Variants in AP3B1 observed in about 807,000 individuals in gnomAD.
The protein encoded by AP3B1 is AP-3 complex subunit beta-1.
A neutral mutation model predicts 132.5 loss-of-function variants in AP3B1; 61 were observed. That is an observed-to-expected ratio of 0.46 (90% CI 0.37 to 0.57). The LOEUF is 0.57. AP3B1 is among the 20% of genes least tolerant of loss of function. AP3B1 has a pLI of 0.00. For missense variants in AP3B1, 1,120 were observed against 1,289.4 expected (o/e 0.87, Z 2.01); for synonymous variants, 388 against 438.3 (o/e 0.89, Z 1.43).
chr5:78,279,404 G>A (rs1748943160), intron 1 of AP3B1, among the ~76,000 whole-genome samples: 1 of 152,086 alleles, frequency 6.6e-6, no homozygotes, highest in Admixed American at 6.6e-5. Flanking sequence ...TTTAATAGAT[G>A]AGTAAACCAA....
chr5:78,029,946 C>CA (rs1357120030), intron 24 of AP3B1, among the ~76,000 whole-genome samples: 2 of 152,104 alleles, frequency 1.3e-5, no homozygotes, highest in Non-Finnish European at 2.9e-5. Flanking sequence ...ATTCTCTTCT[C>CA]AGACATAACA....
chr5:78,031,725 C>T (rs999656311), intron 24 of AP3B1, among the ~76,000 whole-genome samples: 1 of 152,070 alleles, frequency 6.6e-6, no homozygotes, highest in African/African-American at 2.4e-5. Context: ...AGTGTTTTAC[C>T]CTGTGATTTT....
intron 22 of AP3B1, 186 bp downstream of exon 22, chr5:78,089,207 A>C (rs943826008): frequency 5.5e-6 from 3 of 542,260 alleles, no homozygotes; most frequent in Non-Finnish European, 9.9e-6. Flanking sequence ...ACAAGGGAAA[A>C]AAATTGAGAA....
chr5:78,048,825 C>A (rs1051153535), intron 22 of AP3B1, among the ~76,000 whole-genome samples: 1 of 152,122 alleles, frequency 6.6e-6, no homozygotes, highest in African/African-American at 2.4e-5. Context: ...GGGATTCTAT[C>A]ATCTATCTCC....
chr5:78,225,677 C>A, intron 5 of AP3B1, 69 bp from the exon 6 acceptor site: 2 of 988,608 alleles, frequency 2.0e-6, no homozygotes, highest in East Asian at 2.5e-5. Flanking sequence ...CTCACCAATT[C>A]AAGGATGTTG....
intron 2 of AP3B1, among the ~76,000 whole-genome samples, chr5:78,264,571 G>A (rs1471816610): frequency 1.3e-5 from 2 of 152,184 alleles, no homozygotes; most frequent in Admixed American, 6.5e-5. Context: ...TCATCCTGAT[G>A]CACACTAATA....
intron 17 of AP3B1, among the ~76,000 whole-genome samples, chr5:78,121,378 C>A (rs1360404272): frequency 1.3e-5 from 2 of 151,976 alleles, no homozygotes; most frequent in African/African-American, 2.4e-5. Flanking sequence ...ACAGAAAAAA[C>A]CCTTCAAAAA....
chr5:78,121,805 A>C (rs1310423891), intron 17 of AP3B1: 1 of 152,358 alleles, frequency 6.6e-6, no homozygotes, highest in East Asian at 1.9e-4. Flanking sequence ...AAACTATTCC[A>C]ATCAATAGAA....
rs201205048 is a variant in AP3B1, at chr5:78,204,810, TAA to T, written c.786+11243_786+11244del. Among the ~76,000 whole-genome samples the T allele has an allele frequency of 4.6e-3, 708 of 152,284 alleles. 3 individuals are homozygous for T. Among genetic ancestry groups the T allele is most frequent in the East Asian group, 0.011 (59 of 5,182 alleles). On this transcript the variant is annotated intron_variant, in intron 7 of 26. Transcript: ENST00000255194. ...CAGAGAAGGGAGGATAGAGTGAGGG[TAA>T]GTTTAAATGCCACAAATCTTTTCTC...
At chr5:78,152,482 G>T (rs1753715913) in intron 14 of AP3B1, among the ~76,000 whole-genome samples, 1 of 152,022 alleles carries the variant, frequency 6.6e-6, no homozygotes, top group African/African-American at 2.4e-5. Flanking sequence ...GCTTATAGTA[G>T]CCACTAATGA....
chr5:78,174,899 T>C (rs935239903), intron 11 of AP3B1, among the ~76,000 whole-genome samples: 5 of 152,258 alleles, frequency 3.3e-5, no homozygotes, highest in African/African-American at 1.2e-4. Context: ...CCCAGCCGCT[T>C]TGTTTACCTA....
intron 22 of AP3B1, among the ~76,000 whole-genome samples, chr5:78,053,729 A>G (rs1017796047): frequency 6.6e-6 from 1 of 151,288 alleles, no homozygotes; most frequent in Non-Finnish European, 1.5e-5. Flanking sequence ...TCAGGTAACC[A>G]TAACAATTTG....
At chr5:78,079,411 T>C (rs1749896394) in intron 22 of AP3B1, among the ~76,000 whole-genome samples, 1 of 152,188 alleles carries the variant, frequency 6.6e-6, no homozygotes, top group African/African-American at 2.4e-5. Flanking sequence ...GGACTAAGTT[T>C]GCACCATCTA....
chr5:78,172,746 AT>A (rs1264833237), intron 11 of AP3B1, among the ~76,000 whole-genome samples: 29 of 151,812 alleles, frequency 1.9e-4, no homozygotes, highest in African/African-American at 6.8e-4. Flanking sequence ...TTTGAAGGGT[AT>A]TTCGTTATTA....
At chr5:78,064,031 G>A (rs1336103991) in intron 22 of AP3B1, among the ~76,000 whole-genome samples, 1 of 150,528 alleles carries the variant, frequency 6.6e-6, no homozygotes, top group Non-Finnish European at 1.5e-5. Flanking sequence ...GGGTCGGGCA[G>A]GAAGAGGGAA....
chr5:78,034,804 G>A (rs1747733294), intron 23 of AP3B1, among the ~76,000 whole-genome samples: 1 of 151,852 alleles, frequency 6.6e-6, no homozygotes, highest in African/African-American at 2.4e-5. Flanking sequence ...AATGGACTTT[G>A]GGAGTTCATA....
At chr5:78,163,485 C>T (rs1044820997) in intron 12 of AP3B1, among the ~76,000 whole-genome samples, 19 of 151,798 alleles carry the variant, frequency 1.3e-4, no homozygotes, top group Admixed American at 1.2e-3. Flanking sequence ...TCAATAAATA[C>T]TTCAAATACT....
intron 2 of AP3B1, among the ~76,000 whole-genome samples, chr5:78,265,762 T>C (rs1272886936): frequency 6.6e-6 from 1 of 152,222 alleles, no homozygotes; most frequent in Non-Finnish European, 1.5e-5. Context: ...CCTTACCAAG[T>C]TCCTCCAGCT....
intron 22 of AP3B1, among the ~76,000 whole-genome samples, chr5:78,063,734 T>A (rs979218163): frequency 4.0e-4 from 61 of 152,366 alleles, no homozygotes; most frequent in African/African-American, 1.4e-3. Context: ...CACATAGGAA[T>A]GTTTAATATA....
Sources: gnomAD v4.1 joint callset for allele counts (sites outside exome capture counted in the v4.1 genomes callset) on GRCh38, gnomAD v4.1.1 for gene constraint, MANE v1.5 for transcripts, NCBI Gene and HGNC (gene_info 2026-07-23, HGNC 2026-07-21) for gene names.